Variants in ASTN2 observed in about 807,000 individuals in gnomAD.
ASTN2 encodes the protein astrotactin-2.
A neutral mutation model predicts 139.8 loss-of-function variants in ASTN2; 54 were observed. The observed-to-expected ratio is 0.39, with a 90% CI of 0.31 to 0.48. The LOEUF is 0.48. Among genes scored for constraint, ASTN2 ranks in the 20% least tolerant of loss-of-function variants. The pLI is 0.95. For missense variants in ASTN2, 1,565 were observed against 1,725.1 expected, an observed-to-expected ratio of 0.91 and a Z score of 1.64; for synonymous variants, 756 against 719.5, an observed-to-expected ratio of 1.05 and a Z score of -0.81.
chr9:117,327,511 T>C (rs1160389297), intron 1 of ASTN2, among the ~76,000 whole-genome samples: 2 of 152,110 alleles, frequency 1.3e-5, no homozygotes, highest in Non-Finnish European at 2.9e-5. Flanking sequence ...AGAGGAGAGT[T>C]GAGACCACAT....
At chr9:117,013,446 T>C (rs1837587206) in intron 6 of ASTN2, among the ~76,000 whole-genome samples, 1 of 147,846 alleles carries the variant, frequency 6.8e-6, no homozygotes, top group Non-Finnish European at 1.5e-5. Context: ...AACTTCAAAA[T>C]GTCATGTTTC....
chr9:117,047,234 T>C (rs1430784591), intron 5 of ASTN2, among the ~76,000 whole-genome samples: 1 of 152,218 alleles, frequency 6.6e-6, no homozygotes, highest in African/African-American at 2.4e-5. Context: ...GTAGGGTATA[T>C]GGCCCCATAT....
intron 13 of ASTN2, among the ~76,000 whole-genome samples, chr9:116,797,812 C>T (rs994314498): frequency 1.3e-5 from 2 of 152,190 alleles, no homozygotes; most frequent in African/African-American, 2.4e-5. Flanking sequence ...GGCATTGGTG[C>T]TCCTGTACAG....
intron 10 of ASTN2, among the ~76,000 whole-genome samples, chr9:116,961,646 T>A (rs567705559): frequency 2.6e-5 from 4 of 152,310 alleles, no homozygotes; most frequent in Admixed American, 2.0e-4. Context: ...AACACTGCTA[T>A]CAGTCTCATA....
intron 19 of ASTN2, among the ~76,000 whole-genome samples, chr9:116,542,439 T>A (rs569398954): frequency 1.3e-5 from 2 of 152,316 alleles, no homozygotes; most frequent in African/African-American, 4.8e-5. Context: ...CAAGTTAATA[T>A]GTTTATTACT....
chr9:116,612,305 T>C (rs867956255), intron 19 of ASTN2: 3 of 151,998 alleles, frequency 2.0e-5, no homozygotes, highest in South Asian at 2.1e-4. Context: ...CAACATTAGA[T>C]AGATCAATGA....
intron 19 of ASTN2, among the ~76,000 whole-genome samples, chr9:116,552,459 G>A (rs546811345): frequency 6.6e-6 from 1 of 152,302 alleles, no homozygotes; most frequent in Admixed American, 6.5e-5. Flanking sequence ...GAACTTAGTA[G>A]GCTCAAGCTC....
intron 1 of ASTN2, among the ~76,000 whole-genome samples, chr9:117,321,217 TG>T (rs1240560547): frequency 6.6e-6 from 1 of 152,216 alleles, no homozygotes; most frequent in African/African-American, 2.4e-5. Flanking sequence ...TATCTGTGGA[TG>T]CAGTAGAAGA....
chr9:116,644,233 T>C (rs1588133522), intron 17 of ASTN2, among the ~76,000 whole-genome samples: 1 of 152,168 alleles, frequency 6.6e-6, no homozygotes. Flanking sequence ...AAAGTGGAAA[T>C]GAAACAAACA....
intron 16 of ASTN2, among the ~76,000 whole-genome samples, chr9:116,670,642 C>T (rs957911883): frequency 6.6e-6 from 1 of 152,028 alleles, no homozygotes; most frequent in African/African-American, 2.4e-5. Flanking sequence ...TTAATGGCAG[C>T]CACCATAAAG....
Position 116,820,627 on chromosome 9 carries a change from T to C in ASTN2, c.2197A>G (p.Met733Val), listed in dbSNP as rs755501120. Residue 733 changes from methionine to valine, a missense_variant, in exon 12 of 23, where the codon ATG (methionine) becomes GTG (valine). This residue lies in a region of ASTN2 where 503 missense variants were observed against 591.7 expected (regional missense o/e 0.85). Coordinates refer to ENST00000313400, the MANE Select transcript of ASTN2 (RefSeq NM_001365068.1). ...PYDATSSTIF[M>V]FCGCVEEYKL... ...GGGACAGAGACTCACCCGCAGAACA[T>C]GAAGATGGTGCTCGAAGTGGCATCG... 6.2e-7 allele frequency: 1 copy of C among 1,613,862 alleles called. No individual in the cohort carries two copies. Among genetic ancestry groups the C allele is most frequent in the Non-Finnish European group, 8.5e-7 (1 of 1,179,860 alleles).
chr9:116,455,491 C>T (rs989268933), intron 20 of ASTN2, among the ~76,000 whole-genome samples: 3 of 151,836 alleles, frequency 2.0e-5, no homozygotes, highest in Non-Finnish European at 4.4e-5. Context: ...CAGTTTAATA[C>T]TAGTGTCCAA....
chr9:117,215,176 G>A (rs776894312), intron 2 of ASTN2, among the ~76,000 whole-genome samples: 7 of 152,116 alleles, frequency 4.6e-5, no homozygotes, highest in African/African-American at 1.4e-4. Flanking sequence ...AAGGACAGTT[G>A]CCTACGCTCC....
chr9:116,947,556 G>A (rs536814164), intron 10 of ASTN2, among the ~76,000 whole-genome samples: 2 of 152,276 alleles, frequency 1.3e-5, no homozygotes, highest in East Asian at 3.9e-4. Context: ...TTACTCATGA[G>A]GATATGCAGA....
chr9:116,845,183 C>T (rs940654609), intron 11 of ASTN2, among the ~76,000 whole-genome samples: 3 of 152,102 alleles, frequency 2.0e-5, no homozygotes, highest in South Asian at 2.1e-4. Flanking sequence ...GGTGCGATCT[C>T]GGCTCAATGC....
intron 10 of ASTN2, among the ~76,000 whole-genome samples, chr9:116,895,197 T>C (rs1469168405): frequency 6.6e-6 from 1 of 152,262 alleles, no homozygotes; most frequent in Non-Finnish European, 1.5e-5. Flanking sequence ...ACACACACTT[T>C]ATTTAATGCA....
rs1294464741 is a variant in ASTN2 at position 117,096,137 on chromosome 9, C to T, written c.1183G>A (p.Gly395Arg). ...RSKSRGGISF[G>R]RAKGTSGSEA... The stretch of plus-strand genomic sequence containing the variant: ...GAGCCCGACGTCCCCTTGGCTCTCC[C>T]AAAGCTGATTCCTCCTGTGAGTAAG... Residue 395 changes from glycine (G) to arginine (R), a missense_variant, in exon 5 of 23, where the codon GGG (glycine) becomes AGG (arginine). Coordinates refer to ENST00000313400, the MANE Select transcript of ASTN2 (RefSeq NM_001365068.1). The T allele has an allele frequency of 6.2e-7, 1 of 1,613,960 alleles. No individual in the cohort carries two copies. The highest frequency in any genetic ancestry group is 2.2e-5 in the East Asian group (1 of 44,852).
intron 19 of ASTN2, among the ~76,000 whole-genome samples, chr9:116,580,905 C>G (rs1853922086): frequency 6.6e-6 from 1 of 151,972 alleles, no homozygotes; most frequent in African/African-American, 2.4e-5. Flanking sequence ...TCCAAACAGC[C>G]CTAAAATAAC....
intron 7 of ASTN2, among the ~76,000 whole-genome samples, chr9:117,004,061 T>G (rs1292372950): frequency 6.6e-6 from 1 of 151,762 alleles, no homozygotes; most frequent in African/African-American, 2.4e-5. Context: ...GGCTGTCTGG[T>G]CATATGATGC....
Sources: gnomAD v4.1 joint callset for allele counts (sites outside exome capture counted in the v4.1 genomes callset) on GRCh38, gnomAD v4.1.1 for gene constraint, gnomAD v4.1.1 regional missense constraint, MANE v1.5 for transcripts, NCBI Gene and HGNC (gene_info 2026-07-23, HGNC 2026-07-21) for gene names.